The following OR3A2 variants were observed in gnomAD, a reference collection of about 807,000 sequenced individuals.
OR3A2 encodes olfactory receptor 3A2.
For missense variants in OR3A2, 318 were observed against 392.8 expected (o/e 0.81, Z 1.61); for synonymous variants, 126 against 159.3 (o/e 0.79, Z 1.57).
chr17:3,369,375 T>C (rs1250015149), intron 2 of OR3A2, among the ~76,000 whole-genome samples: 6 of 152,222 alleles, frequency 3.9e-5, no homozygotes, highest in African/African-American at 1.4e-4. Flanking sequence ...TGTGGGTTTG[T>C]GATAGATGGC....
At chr17:3,328,945 C>G (rs1211611844) in intron 3 of OR3A2, among the ~76,000 whole-genome samples, 1 of 151,538 alleles carries the variant, frequency 6.6e-6, no homozygotes, top group African/African-American at 2.4e-5. Context: ...TGTCAAAGGC[C>G]TTTTCTGCAT....
chr17:3,346,425 CCT>C (rs1160093568), intron 2 of OR3A2, among the ~76,000 whole-genome samples: 2 of 152,100 alleles, frequency 1.3e-5, no homozygotes, highest in Non-Finnish European at 2.9e-5. Context: ...GGGAATGTTC[CCT>C]GTTTTCCAAG....
intron 2 of OR3A2, among the ~76,000 whole-genome samples, chr17:3,346,290 G>T (rs988874218): frequency 1.3e-5 from 2 of 152,050 alleles, no homozygotes; most frequent in African/African-American, 4.8e-5. Flanking sequence ...ATATTTATAA[G>T]TACATGAGAT....
intron 3 of OR3A2, among the ~76,000 whole-genome samples, chr17:3,318,820 G>C (rs2049096549): frequency 6.6e-6 from 1 of 152,098 alleles, no homozygotes; most frequent in African/African-American, 2.4e-5. Context: ...CTATCAACTA[G>C]ACAGATTGTA....
intron 3 of OR3A2, among the ~76,000 whole-genome samples, chr17:3,328,069 A>G (rs2049192620): frequency 6.9e-6 from 1 of 145,844 alleles, no homozygotes; most frequent in African/African-American, 2.7e-5. Context: ...TGAACTTTAA[A>G]GTAGTTTTTT....
Position 3,278,537 on chromosome 17 carries a change from C to T in OR3A2, c.381G>A (p.Leu127=), listed in dbSNP as rs771366733. Residue 127 remains leucine, a synonymous_variant, in exon 2 of 2, where the codon CTG becomes CTA. Transcript: ENST00000642052. ...TGTAGGTGAGGGGCTGGCAGATGGC[C>T]AGGAGTCGGTCATAGGCCATGGCGG... 5.0e-5 allele frequency: 81 copies of T among 1,613,184 alleles called. No homozygotes were observed. In the Middle Eastern group the frequency reaches 1.6e-3, roughly 33 times the overall value.
intron 2 of OR3A2, among the ~76,000 whole-genome samples, chr17:3,339,899 T>G (rs1305431781): frequency 6.6e-6 from 1 of 152,164 alleles, no homozygotes; most frequent in Non-Finnish European, 1.5e-5. Context: ...ATCTGTCTGG[T>G]CCTGGACTTT....
chr17:3,376,984 T>C (rs1374135376), intron 2 of OR3A2, among the ~76,000 whole-genome samples: 2 of 152,230 alleles, frequency 1.3e-5, no homozygotes, highest in African/African-American at 4.8e-5. Flanking sequence ...AATCCTTCTC[T>C]CCCATGATCT....
At chr17:3,325,020 T>C (rs937242903) in intron 3 of OR3A2, among the ~76,000 whole-genome samples, 7 of 152,108 alleles carry the variant, frequency 4.6e-5, no homozygotes, top group African/African-American at 1.7e-4. Context: ...TTTGCTGTTA[T>C]GCTTGAAACT....
upstream of OR3A2, among the ~76,000 whole-genome samples, chr17:3,288,972 G>A (rs1212690218): frequency 6.6e-6 from 1 of 152,124 alleles, no homozygotes. Context: ...TACATAAATG[G>A]AATATTATGC....
chr17:3,385,429 G>A (rs925106725), intron 1 of OR3A2, among the ~76,000 whole-genome samples: 5 of 152,186 alleles, frequency 3.3e-5, no homozygotes, highest in Admixed American at 2.6e-4. Flanking sequence ...AGCAAAGACA[G>A]ATGGATAGAT....
rs2049582955 is a variant in OR3A2 at position 3,368,411 on chromosome 17, A to G, written c.-179+15393T>C. 2.0e-5 allele frequency among the ~76,000 whole-genome samples: 3 copies of G among 152,278 alleles called. No individual in the cohort carries two copies. In the South Asian group the frequency reaches 6.2e-4, roughly 32 times the overall value. On this transcript the variant is annotated intron_variant, in intron 2 of 4. Transcript: ENST00000573491. ...TGATCCATCTTGAGTAGATTTTTGT[A>G]TTAAGTGAGAGATGAGGATCCAGTT... is the stretch of plus-strand genomic sequence containing the variant.
rs749988798 is a variant in OR3A2 at position 3,310,978 on chromosome 17, A to C, written c.-85+25055T>G. ...GTCCTCATCACTGTGTCCTATGCCC[A>C]TGTGGCAGCTGCAGTCCTGCGAATC... is the stretch of plus-strand genomic sequence containing the variant. On this transcript the variant is annotated intron_variant, in intron 3 of 4. Transcript: ENST00000573491. 14 of 556,938 alleles carry C rather than the reference A, an allele frequency of 2.5e-5. No individual in the cohort carries two copies. The African/African-American group carries it at 2.7e-4, about 11-fold the overall frequency. The allele number at this position is 556,938 out of a possible 1,614,324, so 34.5% of individuals were successfully genotyped here.
intron 3 of OR3A2, among the ~76,000 whole-genome samples, chr17:3,318,026 C>T (rs569082551): frequency 4.6e-5 from 7 of 152,310 alleles, no homozygotes; most frequent in South Asian, 4.1e-4. Context: ...CAGCAACTCA[C>T]TGATAAACTT....
chr17:3,285,562 G>A (rs1169845453), upstream of OR3A2, among the ~76,000 whole-genome samples: 4 of 152,112 alleles, frequency 2.6e-5, no homozygotes, highest in African/African-American at 7.2e-5. Flanking sequence ...GCTGAGGCGG[G>A]GATCGCTTGA....
At chr17:3,346,082 A>C (rs1412801205) in intron 2 of OR3A2, among the ~76,000 whole-genome samples, 4 of 152,158 alleles carry the variant, frequency 2.6e-5, no homozygotes, top group Non-Finnish European at 5.9e-5. Context: ...AAATATTTTA[A>C]AATATATTTT....
At position 3,278,386 on chromosome 17, in the gene OR3A2, T is replaced by C. The variant is rs375840407; in HGVS notation, c.532A>G (p.Asn178Asp). ...TGTGGGAGGTCACAGTAGAAGTGATTGACCTCATTGGGGCCACAGAAGTTG... is the reference window on the plus strand; with the variant it reads ...TGTGGGAGGTCACAGTAGAAGTGATCGACCTCATTGGGGCCACAGAAGTTG... Residue 178 changes from asparagine to aspartate, a missense_variant, in exon 2 of 2, where the codon AAT (asparagine) becomes GAT (aspartate). By Grantham distance (23) the Asn-to-Asp change is conservative. Coordinates refer to ENST00000642052, the Ensembl canonical transcript of OR3A2. The C allele has an allele frequency of 6.2e-7, 1 of 1,614,188 alleles. No individual in the cohort carries two copies. The highest frequency in any genetic ancestry group is 2.2e-5 in the East Asian group (1 of 44,882).
At chr17:3,324,895 T>C (rs748622487) in intron 3 of OR3A2, among the ~76,000 whole-genome samples, 2 of 152,096 alleles carry the variant, frequency 1.3e-5, no homozygotes, top group South Asian at 2.1e-4. Context: ...GTATTTGTCA[T>C]AGATGCTGCA....
intron 2 of OR3A2, among the ~76,000 whole-genome samples, chr17:3,367,754 G>A (rs989186666): frequency 3.3e-5 from 5 of 151,856 alleles, no homozygotes; most frequent in African/African-American, 1.2e-4. Context: ...TTTCCTCTGG[G>A]TAGATACCCA....
Sources: gnomAD v4.1 joint callset for allele counts (sites outside exome capture counted in the v4.1 genomes callset) on GRCh38, gnomAD v4.1.1 for gene constraint, MANE v1.5 for transcripts, NCBI Gene and HGNC (gene_info 2026-07-23, HGNC 2026-07-21) for gene names.